Variants in TOX observed in about 807,000 individuals in gnomAD.
The protein encoded by TOX is thymocyte selection-associated high mobility group box protein TOX.
Under a neutral mutation model 53.7 loss-of-function variants are expected in TOX, and 11 were observed. That is an observed-to-expected ratio of 0.20 (90% CI 0.13 to 0.34). The LOEUF is 0.34. Ranked by LOEUF, TOX falls within the 10% of genes least tolerant of loss-of-function variation. TOX has a pLI of 1.00. For synonymous variants in TOX, 225 were observed against 245.3 expected (o/e 0.92, Z 0.77); for missense variants, 570 against 664.6 (o/e 0.86, Z 1.56).
chr8:58,994,987 AG>A (rs1452997969), intron 1 of TOX, among the ~76,000 whole-genome samples: 1 of 152,202 alleles, frequency 6.6e-6, no homozygotes, highest in African/African-American at 2.4e-5. Flanking sequence ...TATCACACTA[AG>A]TGTCAATAAA....
intron 3 of TOX, among the ~76,000 whole-genome samples, chr8:58,891,757 T>C (rs774773904): frequency 7.9e-5 from 12 of 152,198 alleles, no homozygotes; most frequent in Non-Finnish European, 1.5e-4. Flanking sequence ...AATCTGAACA[T>C]GATTTTAAAT....
chr8:58,974,358 A>T (rs1330464000), intron 1 of TOX, among the ~76,000 whole-genome samples: 1 of 152,194 alleles, frequency 6.6e-6, no homozygotes, highest in Non-Finnish European at 1.5e-5. Flanking sequence ...GGTCATTTTT[A>T]TGACAAACTG....
intron 1 of TOX, among the ~76,000 whole-genome samples, chr8:58,961,398 GGTT>G (rs1812793583): frequency 6.6e-6 from 1 of 152,196 alleles, no homozygotes; most frequent in Non-Finnish European, 1.5e-5. Flanking sequence ...TGAAAGATGT[GGTT>G]GTTAGAGCAA....
intron 1 of TOX, among the ~76,000 whole-genome samples, chr8:58,962,019 T>C (rs1812808444): frequency 1.3e-5 from 2 of 152,240 alleles, no homozygotes; most frequent in Admixed American, 6.5e-5. Context: ...TGTAACAAAC[T>C]AAACCGAAGA....
rs1243560070 is a variant in TOX at position 58,867,847 on chromosome 8, AAT to A, written c.412-16044_412-16043del. Among the ~76,000 whole-genome samples, 127 of 152,298 alleles carry A rather than the reference AAT, an allele frequency of 8.3e-4. 2 individuals carry two copies. The East Asian group carries it at 8.5e-3, about 10-fold the overall frequency. ...GTTTACTGCTCTGTTGTCAGTGCCC[AAT>A]TCAGGCACATTGAAGAACCAGGCTC... On this transcript the variant is annotated intron_variant, in intron 3 of 8. Coordinates refer to ENST00000361421, the MANE Select transcript of TOX (RefSeq NM_014729.3).
chr8:58,826,917 A>T lies in TOX; in HGVS notation c.925-15T>A, dbSNP rs1810375949. On this transcript the variant is annotated splice_polypyrimidine_tract_variant and intron_variant, in intron 5 of 8. Transcript: ENST00000361421. ...TTTTTATAGACCTGCAACAACAGCA[A>T]AGAGTCTTAAATTAGAAAGTGCATT... 6.2e-7 allele frequency: 1 copy of T among 1,606,326 alleles called. No individual in the cohort carries two copies. The highest frequency in any genetic ancestry group is 8.5e-7 in the Non-Finnish European group (1 of 1,177,030).
At chr8:59,005,262 T>A (rs1219766665) in intron 1 of TOX, among the ~76,000 whole-genome samples, 2 of 152,060 alleles carry the variant, frequency 1.3e-5, no homozygotes, top group Non-Finnish European at 2.9e-5. Flanking sequence ...ATGGTCTTCA[T>A]CTCCTGACCT....
At chr8:58,907,256 T>G (rs1480441023) in intron 3 of TOX, among the ~76,000 whole-genome samples, 6 of 152,178 alleles carry the variant, frequency 3.9e-5, no homozygotes, top group African/African-American at 1.4e-4. Flanking sequence ...GTCTTGTCCT[T>G]TGAGGGTCCA....
At chr8:59,089,428 G>C (rs1023116749) in intron 1 of TOX, among the ~76,000 whole-genome samples, 5 of 152,140 alleles carry the variant, frequency 3.3e-5, no homozygotes, top group African/African-American at 1.2e-4. Context: ...ACTGAGTTAA[G>C]AGTTCCTGCA....
chr8:58,960,111 A>G (rs2129178464), intron 1 of TOX, 103 bp from the exon 2 acceptor site: 1 of 1,282,318 alleles, frequency 7.8e-7, no homozygotes, highest in Non-Finnish European at 1.1e-6. Context: ...GGAAAACAGT[A>G]GCCATAAAAA....
intron 1 of TOX, among the ~76,000 whole-genome samples, chr8:59,062,114 A>G (rs1239376541): frequency 2.0e-5 from 3 of 152,212 alleles, no homozygotes; most frequent in East Asian, 1.9e-4. Flanking sequence ...TAACAGAACC[A>G]AAGTTTTTTA....
intron 1 of TOX, among the ~76,000 whole-genome samples, chr8:59,108,410 T>C (rs1442161041): frequency 1.3e-5 from 2 of 152,118 alleles, no homozygotes; most frequent in Non-Finnish European, 2.9e-5. Flanking sequence ...ATGACAACCG[T>C]AGAGACTACA....
chr8:58,882,578 T>C lies in TOX; in HGVS notation c.412-30773A>G, dbSNP rs2129171042. On this transcript the variant is annotated intron_variant, in intron 3 of 8. Coordinates refer to ENST00000361421, the MANE Select transcript of TOX (RefSeq NM_014729.3). ...AGGGTATCTTGTCCTTGAAGTCAGA[T>C]GGATTTCATTAGAAATTGACCCACT... Among the ~76,000 whole-genome samples, 3 of 152,338 alleles carry C rather than the reference T, an allele frequency of 2.0e-5. No homozygotes were observed. The Middle Eastern group carries it at 0.01, about 518-fold the overall frequency.
chr8:58,939,732 A>G (rs1812403581), intron 2 of TOX, among the ~76,000 whole-genome samples, 188 bp from the exon 3 acceptor site: 1 of 152,244 alleles, frequency 6.6e-6, no homozygotes, highest in Non-Finnish European at 1.5e-5. Flanking sequence ...TCAAAGGCAG[A>G]TCCACTTCTC....
At chr8:59,005,126 C>T (rs1400793577) in intron 1 of TOX, among the ~76,000 whole-genome samples, 2 of 152,002 alleles carry the variant, frequency 1.3e-5, no homozygotes, top group Non-Finnish European at 2.9e-5. Flanking sequence ...GCAAGCTCTG[C>T]CTCCCGGGTT....
intron 1 of TOX, among the ~76,000 whole-genome samples, chr8:59,011,198 G>T (rs747120915): frequency 1.3e-5 from 2 of 152,144 alleles, no homozygotes; most frequent in Non-Finnish European, 2.9e-5. Flanking sequence ...TTTAACAAAA[G>T]CCAAGGTAAC....
At chr8:59,064,076 G>A (rs995104251) in intron 1 of TOX, among the ~76,000 whole-genome samples, 4 of 152,274 alleles carry the variant, frequency 2.6e-5, no homozygotes, top group Non-Finnish European at 5.9e-5. Flanking sequence ...TGAAGTGCTT[G>A]GGGTGGGGGG....
At position 59,062,277 on chromosome 8, in the gene TOX, G is replaced by A. The variant is rs561054876; in HGVS notation, c.102+56609C>T. Among the ~76,000 whole-genome samples the A allele has an allele frequency of 5.3e-5, 8 of 152,270 alleles. No individual in the cohort carries two copies. In the South Asian group the frequency reaches 1.7e-3, roughly 32 times the overall value. On this transcript the variant is annotated intron_variant, in intron 1 of 8. Coordinates refer to ENST00000361421, the MANE Select transcript of TOX (RefSeq NM_014729.3). ...CCGCAGAGGCTGAGGAAGGCCTTCT[G>A]GGGAGGCAACTCCTTAAAAGAAGCT...
intron 1 of TOX, among the ~76,000 whole-genome samples, chr8:59,065,218 T>A (rs1804065054): frequency 6.6e-6 from 1 of 152,162 alleles, no homozygotes; most frequent in Admixed American, 6.5e-5. Flanking sequence ...TTTTCATAAT[T>A]AAACAACAAC....
Sources: gnomAD v4.1 joint callset for allele counts (sites outside exome capture counted in the v4.1 genomes callset) on GRCh38, gnomAD v4.1.1 for gene constraint, MANE v1.5 for transcripts, NCBI Gene and HGNC (gene_info 2026-07-23, HGNC 2026-07-21) for gene names.